FANCB: variants seen among roughly 807,000 people sequenced by gnomAD.
The protein encoded by FANCB is FA complementation group B.
Under a neutral mutation model 38.9 loss-of-function variants are expected in FANCB, and 5 were observed. That is an observed-to-expected ratio of 0.13 (90% CI 0.07 to 0.27). FANCB has a LOEUF of 0.27. FANCB is among the 10% of genes least tolerant of loss of function. FANCB has a pLI of 1.00. For missense variants in FANCB, 573 were observed against 602.7 expected, an observed-to-expected ratio of 0.95 and a Z score of 0.52; for synonymous variants, 236 against 215.4, an observed-to-expected ratio of 1.10 and a Z score of -0.84.
the FANCB span, among the ~76,000 whole-genome samples, chrX:14,707,523 T>C: frequency 9.1e-6 from 1 of 109,793 alleles, no homozygotes; most frequent in Non-Finnish European, 1.9e-5. Context: ...TTCACCCTGG[T>C]AGTGAGCTTA....
At chrX:14,743,104 A>G in the FANCB span, among the ~76,000 whole-genome samples, 1 of 111,984 alleles carries the variant, frequency 8.9e-6, no homozygotes, top group Non-Finnish European at 1.9e-5. Flanking sequence ...CATAATAACC[A>G]TCATCAAAAC....
chrX:14,755,268 T>C, the FANCB span, among the ~76,000 whole-genome samples: 1 of 111,474 alleles, frequency 9.0e-6, no homozygotes, highest in Non-Finnish European at 1.9e-5. Context: ...TTTCACCACT[T>C]CCAATCAACA....
the FANCB span, among the ~76,000 whole-genome samples, chrX:14,694,740 C>T: frequency 8.9e-6 from 1 of 112,429 alleles, no homozygotes; most frequent in Non-Finnish European, 1.9e-5. Context: ...CCTTAGAATA[C>T]GTTGCTTCAC....
chrX:14,703,721 C>T, the FANCB span, among the ~76,000 whole-genome samples: 1 of 111,749 alleles, frequency 8.9e-6, no homozygotes, highest in African/African-American at 3.3e-5. Flanking sequence ...GTGAATGCTA[C>T]AGGAGTGGCC....
At chrX:14,700,767 A>G in the FANCB span, among the ~76,000 whole-genome samples, 1 of 110,428 alleles carries the variant, frequency 9.1e-6, no homozygotes, top group East Asian at 2.9e-4. Flanking sequence ...CATATAGGCC[A>G]TGGATTTTTT....
At chrX:14,832,698 T>C (rs1024216275), downstream of FANCB, among the ~76,000 whole-genome samples, 4 of 111,756 alleles carry the variant, frequency 3.6e-5, no homozygotes, top group African/African-American at 1.3e-4. Flanking sequence ...GAAAAGAAGG[T>C]TCCTCACTCT....
the FANCB span, among the ~76,000 whole-genome samples, chrX:14,802,615 GATGAGAT>G: frequency 8.9e-6 from 1 of 111,951 alleles, no homozygotes; most frequent in African/African-American, 3.3e-5. Context: ...CCACAGATCA[GATGAGAT>G]ATGGTGGGGA....
At chrX:14,787,450 A>G in the FANCB span, among the ~76,000 whole-genome samples, 1 of 110,747 alleles carries the variant, frequency 9.0e-6, no homozygotes, top group African/African-American at 3.3e-5. Flanking sequence ...ATTTTCAGTT[A>G]GAAGGAATAC....
At chrX:14,753,177 T>C in the FANCB span, among the ~76,000 whole-genome samples, 2 of 111,847 alleles carry the variant, frequency 1.8e-5, no homozygotes, top group African/African-American at 6.5e-5. Context: ...ATTTTTATCT[T>C]TTCTACAGTT....
the FANCB span, among the ~76,000 whole-genome samples, chrX:14,701,381 C>T: frequency 9.0e-6 from 1 of 110,898 alleles, no homozygotes; most frequent in Non-Finnish European, 1.9e-5. Flanking sequence ...ATGGGCAACC[C>T]CTGGTTCAAA....
chrX:14,848,308 T>G (rs1459167466), intron 7 of FANCB, among the ~76,000 whole-genome samples: 1 of 111,899 alleles, frequency 8.9e-6, no homozygotes, highest in African/African-American at 3.3e-5. Flanking sequence ...GGACGTGCAG[T>G]CAGGGAGGTT....
At chrX:14,787,886 T>C in the FANCB span, among the ~76,000 whole-genome samples, 1 of 38,240 alleles carries the variant, frequency 2.6e-5, no homozygotes, top group African/African-American at 8.6e-5. Flanking sequence ...AATATATATA[T>C]ATATATATAT....
chrX:14,800,169 G>C, the FANCB span, among the ~76,000 whole-genome samples: 1 of 111,660 alleles, frequency 9.0e-6, no homozygotes, highest in African/African-American at 3.3e-5. Context: ...CAGCAGCCAC[G>C]GATATTGATA....
chrX:14,707,778 GC>G, the FANCB span, among the ~76,000 whole-genome samples: 1 of 106,351 alleles, frequency 9.4e-6, no homozygotes, highest in African/African-American at 3.4e-5. Context: ...GTGTGTGCAC[GC>G]GCGCGTGTTG....
the FANCB span, among the ~76,000 whole-genome samples, chrX:14,718,545 T>C: frequency 8.9e-6 from 1 of 112,118 alleles, no homozygotes; most frequent in African/African-American, 3.2e-5. Context: ...GAATGACTTG[T>C]CTCTACTACA....
At chrX:14,741,517 G>A in the FANCB span, among the ~76,000 whole-genome samples, 2 of 111,490 alleles carry the variant, frequency 1.8e-5, no homozygotes, top group Admixed American at 9.6e-5. Flanking sequence ...GCCCCAGCTA[G>A]TACAGCAACC....
downstream of FANCB, chrX:14,835,148 T>C (rs2092337805): frequency 3.7e-6 from 2 of 534,837 alleles, no homozygotes; most frequent in Middle Eastern, 5.4e-4. Context: ...TCTTCAACAA[T>C]GTGCAGTTCA....
chrX:14,834,488 A>G (rs2092335819), downstream of FANCB: 1 of 502,092 alleles, frequency 2.0e-6, no homozygotes, highest in East Asian at 3.7e-5. Context: ...GACTTCCTCC[A>G]CTGCCAGAGA....
At chrX:14,729,467 C>T in the FANCB span, among the ~76,000 whole-genome samples, 1 of 111,640 alleles carries the variant, frequency 9.0e-6, no homozygotes, top group Non-Finnish European at 1.9e-5. Flanking sequence ...TACAATTTTT[C>T]AGACTTTTAT....
Sources: allele counts gnomAD v4.1 joint callset (sites outside exome capture counted in the v4.1 genomes callset), GRCh38; gene constraint gnomAD v4.1.1; transcripts MANE v1.5; gene names NCBI Gene and HGNC (gene_info 2026-07-23, HGNC 2026-07-21).